The following SOX5 variants were observed in gnomAD, a reference collection of about 807,000 sequenced individuals.
SOX5 encodes SRY-box transcription factor 5.
Under a neutral mutation model 92.0 loss-of-function variants are expected in SOX5, and 9 were observed. That is an observed-to-expected ratio of 0.10 (90% CI 0.06 to 0.17). The LOEUF (loss-of-function observed/expected upper bound fraction) is 0.17. Among genes scored for constraint, SOX5 ranks in the 10% least tolerant of loss-of-function variants. The probability of loss-of-function intolerance (pLI) is 1.00; values close to 1 mark genes in which losing one functional copy is unlikely to be tolerated. For synonymous variants in SOX5, 344 were observed against 336.3 expected, an observed-to-expected ratio of 1.02 and a Z score of -0.25; for missense variants, 642 against 944.5, an observed-to-expected ratio of 0.68 and a Z score of 4.20.
At chr12:23,806,655 GAA>G (rs1386419642) in intron 3 of SOX5, among the ~76,000 whole-genome samples, 1 of 138,258 alleles carries the variant, frequency 7.2e-6, no homozygotes. Context: ...TAGTGGAGTG[GAA>G]AAAAAAAAAA....
At chr12:23,807,153 C>G (rs1376509213) in intron 3 of SOX5, among the ~76,000 whole-genome samples, 3 of 152,128 alleles carry the variant, frequency 2.0e-5, no homozygotes, top group African/African-American at 7.2e-5. Flanking sequence ...TAAACTCATA[C>G]CGTGATTAGA....
At chr12:24,374,815 C>T (rs1957089314) in intron 1 of SOX5, among the ~76,000 whole-genome samples, 1 of 152,166 alleles carries the variant, frequency 6.6e-6, no homozygotes, top group African/African-American at 2.4e-5. Context: ...GTGATACAGC[C>T]TCCCCCAAAG....
At chr12:24,265,263 A>T (rs974659199) in intron 3 of SOX5, among the ~76,000 whole-genome samples, 2 of 152,214 alleles carry the variant, frequency 1.3e-5, no homozygotes, top group East Asian at 3.8e-4. Flanking sequence ...TAGAAATAAT[A>T]TGGCCAGGTG....
chr12:24,094,173 C>T (rs1210760896), intron 4 of SOX5, among the ~76,000 whole-genome samples: 1 of 152,160 alleles, frequency 6.6e-6, no homozygotes, highest in Admixed American at 6.5e-5. Flanking sequence ...TCTTGAACTT[C>T]TGACCTCAGA....
chr12:24,553,189 T>G (rs78187675), intron 1 of SOX5, among the ~76,000 whole-genome samples: 1,956 of 152,298 alleles, frequency 0.013, 39 homozygotes, highest in African/African-American at 0.044. Flanking sequence ...CACCAACACC[T>G]TGTGATGGAA....
At chr12:23,560,885 C>T (rs1459187994) in intron 11 of SOX5, among the ~76,000 whole-genome samples, 1 of 152,192 alleles carries the variant, frequency 6.6e-6, no homozygotes, top group Non-Finnish European at 1.5e-5. Flanking sequence ...ATTTCATTTT[C>T]AGGTGTCAGA....
intron 1 of SOX5, among the ~76,000 whole-genome samples, chr12:24,434,292 G>C (rs1269202247): frequency 1.3e-5 from 2 of 152,180 alleles, no homozygotes; most frequent in Non-Finnish European, 2.9e-5. Context: ...AGGATATATA[G>C]AGAAGAAACT....
chr12:24,037,189 T>G (rs1165767206), intron 4 of SOX5, among the ~76,000 whole-genome samples: 1 of 152,150 alleles, frequency 6.6e-6, no homozygotes, highest in Admixed American at 6.6e-5. Context: ...CCCTGACCTT[T>G]GCAAGCTATT....
At chr12:24,419,683 C>G (rs1965612166) in intron 1 of SOX5, among the ~76,000 whole-genome samples, 1 of 152,146 alleles carries the variant, frequency 6.6e-6, no homozygotes, top group South Asian at 2.1e-4. Flanking sequence ...TGCTTACTCC[C>G]TTATTTCTAA....
At chr12:23,624,495 C>T (rs1363344456) in intron 8 of SOX5, among the ~76,000 whole-genome samples, 16 of 152,126 alleles carry the variant, frequency 1.1e-4, no homozygotes, top group Admixed American at 1.0e-3. Flanking sequence ...AGAGAGAAAA[C>T]CAAGTGTTTA....
intron 4 of SOX5, among the ~76,000 whole-genome samples, chr12:23,988,849 C>A (rs1315460110): frequency 6.6e-6 from 1 of 152,096 alleles, no homozygotes; most frequent in Non-Finnish European, 1.5e-5. Flanking sequence ...AGGTACAAGT[C>A]TAGTTGGAGC....
intron 4 of SOX5, among the ~76,000 whole-genome samples, chr12:23,753,406 C>T (rs1379786747): frequency 6.6e-6 from 1 of 151,556 alleles, no homozygotes; most frequent in Non-Finnish European, 1.5e-5. Context: ...AAATTAAATG[C>T]AAACTGGCTA....
chr12:23,763,263 A>G (rs1259023476), intron 3 of SOX5, among the ~76,000 whole-genome samples: 1 of 152,190 alleles, frequency 6.6e-6, no homozygotes, highest in African/African-American at 2.4e-5. Flanking sequence ...AATTTATGTA[A>G]CGCCATTAAA....
At chr12:23,916,011 G>A (rs184825287) in intron 1 of SOX5, among the ~76,000 whole-genome samples, 3 of 152,250 alleles carry the variant, frequency 2.0e-5, no homozygotes, top group Non-Finnish European at 2.9e-5. Flanking sequence ...GCATTTTGAA[G>A]AGCCATCTGA....
intron 4 of SOX5, among the ~76,000 whole-genome samples, chr12:24,203,890 T>C (rs1187425972): frequency 2.0e-5 from 3 of 152,232 alleles, no homozygotes; most frequent in Non-Finnish European, 2.9e-5. Context: ...TATTTTTTAA[T>C]ATTTCATGTG....
At chr12:24,515,217 G>A (rs962664955) in intron 1 of SOX5, among the ~76,000 whole-genome samples, 1 of 152,048 alleles carries the variant, frequency 6.6e-6, no homozygotes, top group Non-Finnish European at 1.5e-5. Context: ...TCTTGGACCT[G>A]GCATGTGTTG....
At position 24,216,442 on chromosome 12, in the gene SOX5, C is replaced by G. The variant is rs1959172835; in HGVS notation, c.-76-3025G>C. ...GGGCTTGCAGTGAGCCGAGGTCACG[C>G]CACCGCACTACAGCCTGGGTGACAG... On this transcript the variant is annotated intron_variant, in intron 3 of 4. Transcript: ENST00000446891. 2.0e-5 allele frequency among the ~76,000 whole-genome samples: 3 copies of G among 152,028 alleles called. No individual in the cohort carries two copies. In the South Asian group the frequency reaches 6.2e-4, roughly 32 times the overall value.
intron 2 of SOX5, among the ~76,000 whole-genome samples, chr12:24,284,432 TTGTGTG>T (rs59803171): frequency 1.9e-4 from 28 of 149,564 alleles, no homozygotes; most frequent in Admixed American, 8.7e-4. Context: ...TTTTTTTTCT[TTGTGTG>T]TGTGTGTGTG....
At chr12:23,988,727 A>C (rs2136234955) in intron 4 of SOX5, among the ~76,000 whole-genome samples, 1 of 152,312 alleles carries the variant, frequency 6.6e-6, no homozygotes, top group East Asian at 1.9e-4. Flanking sequence ...AGAGAGTAGA[A>C]GAAGTGATAC....
Sources: allele counts gnomAD v4.1 joint callset (sites outside exome capture counted in the v4.1 genomes callset), GRCh38; gene constraint gnomAD v4.1.1; transcripts MANE v1.5; gene names NCBI Gene and HGNC (gene_info 2026-07-23, HGNC 2026-07-21).